FAM91A1: variants seen among roughly 807,000 people sequenced by gnomAD.
FAM91A1 encodes the protein family with sequence similarity 91 member A1, also known as protein FAM91A1.
A neutral mutation model predicts 113.5 loss-of-function variants in FAM91A1; 41 were observed. The observed-to-expected ratio is 0.36, with a 90% CI of 0.28 to 0.47. The LOEUF is 0.47. Among genes scored for constraint, FAM91A1 ranks in the 20% least tolerant of loss-of-function variants. FAM91A1 has a pLI of 1.00. For missense variants in FAM91A1, 696 were observed against 1,001.2 expected, an observed-to-expected ratio of 0.70 and a Z score of 4.11; for synonymous variants, 307 against 347.9, an observed-to-expected ratio of 0.88 and a Z score of 1.31.
chr8:123,769,334 A>G (rs747055749), intron 1 of FAM91A1, among the ~76,000 whole-genome samples: 1 of 152,178 alleles, frequency 6.6e-6, no homozygotes, highest in Non-Finnish European at 1.5e-5. Flanking sequence ...GATGAGTGAA[A>G]GAACATGTCT....
chr8:123,806,467 A>C (rs1205889176), intron 20 of FAM91A1, among the ~76,000 whole-genome samples: 4 of 152,152 alleles, frequency 2.6e-5, no homozygotes, highest in African/African-American at 9.7e-5. Context: ...CTCTACTGTC[A>C]TATCTGTGTT....
intron 8 of FAM91A1, among the ~76,000 whole-genome samples, chr8:123,781,014 C>G (rs1431235950): frequency 6.6e-6 from 1 of 152,130 alleles, no homozygotes; most frequent in African/African-American, 2.4e-5. Flanking sequence ...TTGTCATACA[C>G]TTTATGGATG....
chr8:123,810,371 C>T lies in FAM91A1; in HGVS notation c.2331+20C>T. ...TTCCAGGTAACAAAAACCAAAAAGT[C>T]CAAATGGTACTTGTACTGAGCTTTA... On this transcript the variant is annotated intron_variant, in intron 23 of 23. Transcript: ENST00000334705. 3 of 1,608,384 alleles carry T rather than the reference C, an allele frequency of 1.9e-6. No individual in the cohort carries two copies. Among genetic ancestry groups the T allele is most frequent in the Non-Finnish European group, 2.6e-6 (3 of 1,175,262 alleles).
intron 12 of FAM91A1, 23 bp downstream of exon 12, chr8:123,786,633 A>T: frequency 1.3e-6 from 2 of 1,562,154 alleles, no homozygotes; most frequent in South Asian, 2.2e-5. Flanking sequence ...TCAGTTTAAC[A>T]TAGAGTCTGT....
chr8:123,786,682 G>C (rs1815267278), intron 12 of FAM91A1, 72 bp downstream of exon 12: 2 of 1,112,958 alleles, frequency 1.8e-6, no homozygotes, highest in African/African-American at 1.5e-5. Context: ...CACTCTTACA[G>C]TTACCTTCTA....
intron 23 of FAM91A1, chr8:123,812,127 C>T (rs1203033869): frequency 1.9e-5 from 3 of 154,486 alleles, no homozygotes; most frequent in African/African-American, 7.2e-5. Flanking sequence ...CCCGCCTCAG[C>T]CTCCCAGAGT....
intron 15 of FAM91A1, among the ~76,000 whole-genome samples, chr8:123,793,492 G>A (rs970439952): frequency 6.6e-6 from 1 of 152,170 alleles, no homozygotes; most frequent in Non-Finnish European, 1.5e-5. Context: ...AGTAGTCTGC[G>A]ATTAGTCATT....
intron 21 of FAM91A1, 33 bp from the exon 22 acceptor site, chr8:123,808,860 G>T: frequency 1.3e-6 from 2 of 1,569,722 alleles, no homozygotes; most frequent in South Asian, 1.2e-5. Context: ...AGATATATAT[G>T]ATAAAAAAAT....
intron 18 of FAM91A1, among the ~76,000 whole-genome samples, chr8:123,801,251 CTTCTTTGCATGTGCTTA>C (rs1453688119): frequency 6.6e-6 from 1 of 152,168 alleles, no homozygotes; most frequent in Non-Finnish European, 1.5e-5. Flanking sequence ...TAATGTTGAG[CTTCTTTGCATGTGCTTA>C]TTGGGCTGTG....
chr8:123,808,220 G>A, intron 20 of FAM91A1, 52 bp from the exon 21 acceptor site: 2 of 1,438,912 alleles, frequency 1.4e-6, no homozygotes, highest in Middle Eastern at 2.5e-4. Context: ...TTTATTGGCA[G>A]CTTCTGCTAA....
At chr8:123,779,593 A>G (rs1240139788) in intron 6 of FAM91A1, among the ~76,000 whole-genome samples, 3 of 152,204 alleles carry the variant, frequency 2.0e-5, no homozygotes, top group Admixed American at 2.0e-4. Flanking sequence ...GTACCTCTTA[A>G]TGGAACTCTC....
At chr8:123,812,182 G>GT (rs564414718) in intron 23 of FAM91A1, 36,650 of 153,130 alleles carry the variant, frequency 0.24, 4,147 homozygotes, top group East Asian at 0.32. Flanking sequence ...GCCTTTGTAA[G>GT]TTTTTTTTTT....
chr8:123,786,408 C>G (rs1407424042), intron 11 of FAM91A1, 87 bp from the exon 12 acceptor site: 3 of 990,262 alleles, frequency 3.0e-6, no homozygotes, highest in Non-Finnish European at 4.7e-6. Flanking sequence ...ATGGATTGTT[C>G]ATAATTTAAG....
At chr8:123,807,962 A>C (rs1815851915) in intron 20 of FAM91A1, among the ~76,000 whole-genome samples, 1 of 152,170 alleles carries the variant, frequency 6.6e-6, no homozygotes, top group Admixed American at 6.5e-5. Context: ...TTGTTTCTTT[A>C]GGTCAGGGTT....
At chr8:123,807,480 C>CAAAAAAAAAAAAAAAAA (rs546080328) in intron 20 of FAM91A1, among the ~76,000 whole-genome samples, 18 of 58,794 alleles carry the variant, frequency 3.1e-4, no homozygotes, top group East Asian at 5.3e-4. Context: ...CCTGTCTCTA[C>CAAAAAAAAAAAAAAAAA]AAAAAAAAAA....
intron 14 of FAM91A1, among the ~76,000 whole-genome samples, chr8:123,789,388 A>G (rs376568810): frequency 1.2e-3 from 180 of 152,294 alleles, no homozygotes; most frequent in African/African-American, 3.4e-3. Flanking sequence ...GCATTATTCA[A>G]TTGCTAAAAT....
chr8:123,777,209 C>G (rs756895244), intron 3 of FAM91A1, 56 bp from the exon 4 acceptor site: 2 of 1,154,560 alleles, frequency 1.7e-6, no homozygotes, highest in Non-Finnish European at 2.5e-6. Flanking sequence ...TATTTATACA[C>G]ATTTTTATTT....
At chr8:123,789,826 T>G in intron 15 of FAM91A1, 81 bp downstream of exon 15, 1 of 1,480,884 alleles carries the variant, frequency 6.8e-7, no homozygotes, top group South Asian at 1.3e-5. Context: ...TGCTCACTTA[T>G]ATAATCATCA....
At position 123,789,622 on chromosome 8, in the gene FAM91A1, A is replaced by C. The variant is rs1432457806; in HGVS notation, c.1288A>C (p.Thr430Pro). The part of the protein sequence containing the change: ...FLIELEKVQS[T>P]GEGEAQRYFD... ...TTTTCTCTTGGTTTAGGTTCAGAGCACTGGTGAAGGAGAAGCACAGAGATA... is the reference window on the plus strand; with the variant it reads ...TTTTCTCTTGGTTTAGGTTCAGAGCCCTGGTGAAGGAGAAGCACAGAGATA... Residue 430 changes from threonine to proline, a missense_variant, in exon 15 of 24, where the codon ACT becomes CCT. By Grantham distance (38) the Thr-to-Pro change is conservative. Transcript: ENST00000334705. The C allele has an allele frequency of 1.9e-6, 3 of 1,611,630 alleles. No homozygotes were observed. The highest frequency in any genetic ancestry group is 2.5e-6 in the Non-Finnish European group (3 of 1,179,664).
Sources: allele counts gnomAD v4.1 joint callset (sites outside exome capture counted in the v4.1 genomes callset), GRCh38; gene constraint gnomAD v4.1.1; transcripts MANE v1.5; gene names NCBI Gene and HGNC (gene_info 2026-07-23, HGNC 2026-07-21).